Variants in TRPC5 observed in about 807,000 individuals in gnomAD.
The protein encoded by TRPC5 is short transient receptor potential channel 5.
Under a neutral mutation model 56.5 loss-of-function variants are expected in TRPC5, and 9 were observed. The ratio of observed to expected loss-of-function variants is 0.16; its 90% CI spans 0.10 to 0.28. TRPC5 has a LOEUF of 0.28. Ranked by LOEUF, TRPC5 falls within the 10% of genes least tolerant of loss-of-function variation. The pLI is 1.00. For synonymous variants in TRPC5, 282 were observed against 278.5 expected, an observed-to-expected ratio of 1.01 and a Z score of -0.13; for missense variants, 469 against 748.9, an observed-to-expected ratio of 0.63 and a Z score of 4.36.
At chrX:111,834,604 A>G (rs114442194) in intron 7 of TRPC5, among the ~76,000 whole-genome samples, 1,461 of 111,594 alleles carry the variant, frequency 0.013, 30 homozygotes, top group African/African-American at 0.046. Flanking sequence ...GAGTGAGGTG[A>G]CACGTTGTAG....
intron 1 of TRPC5, among the ~76,000 whole-genome samples, chrX:111,992,723 C>T (rs975960561): frequency 1.8e-5 from 2 of 108,906 alleles, no homozygotes; most frequent in East Asian, 2.9e-4. Context: ...CTGCCTCAGC[C>T]TCGTGAGTAG....
chrX:112,080,434 A>T (rs1428387203), intron 1 of TRPC5, among the ~76,000 whole-genome samples: 1 of 107,523 alleles, frequency 9.3e-6, no homozygotes, highest in Non-Finnish European at 1.9e-5. Flanking sequence ...ACACACACAC[A>T]CACACAGATT....
chrX:111,853,561 G>A (rs1296280253), intron 4 of TRPC5, among the ~76,000 whole-genome samples: 1 of 111,901 alleles, frequency 8.9e-6, no homozygotes, highest in Non-Finnish European at 1.9e-5. Flanking sequence ...GCAAAAGCAA[G>A]CCCTAGGTGT....
chrX:111,860,310 G>T (rs1923371789), intron 3 of TRPC5, among the ~76,000 whole-genome samples: 1 of 109,200 alleles, frequency 9.2e-6, no homozygotes, highest in African/African-American at 3.3e-5. Flanking sequence ...TGTTAAAGCT[G>T]TAGCTAGCTT....
intron 1 of TRPC5, among the ~76,000 whole-genome samples, 190 bp from the exon 2 acceptor site, chrX:111,952,631 A>T (rs1927125006): frequency 9.0e-6 from 1 of 111,253 alleles, no homozygotes; most frequent in Non-Finnish European, 1.9e-5. Flanking sequence ...ACCTGGGCTT[A>T]AATCCTGGTT....
At chrX:111,902,211 G>C in intron 3 of TRPC5, 1 of 991,042 alleles carries the variant, frequency 1.0e-6, no homozygotes, top group Non-Finnish European at 1.3e-6. Context: ...CCCGTCCCCA[G>C]GGATGTGAAA....
At position 111,922,008 on chromosome X, in the gene TRPC5, C is replaced by A. The variant is rs779812359; in HGVS notation, c.379-9196G>T. 2.7e-5 allele frequency among the ~76,000 whole-genome samples: 3 copies of A among 112,409 alleles called. No homozygotes were observed. The Admixed American group carries it at 2.8e-4, about 11-fold the overall frequency. On this transcript the variant is annotated intron_variant, in intron 2 of 10. Coordinates refer to ENST00000262839, the MANE Select transcript of TRPC5 (RefSeq NM_012471.3). ...ACAGTCAGCTTCTCTGTATTTTCAG[C>A]TAAATTCTATTGCCAGAGGACAGCC...
At chrX:111,853,670 G>T in intron 4 of TRPC5, 100 bp downstream of exon 4, 1 of 799,974 alleles carries the variant, frequency 1.3e-6, no homozygotes, top group Non-Finnish European at 1.8e-6. Flanking sequence ...GTGGGGTGGG[G>T]GTGCCCTAGT....
chrX:111,827,871 C>T (rs1036584277), intron 7 of TRPC5, among the ~76,000 whole-genome samples: 3 of 111,270 alleles, frequency 2.7e-5, no homozygotes, highest in East Asian at 2.8e-4. Flanking sequence ...ATCCTTCCAA[C>T]GGTCCATGAG....
At chrX:111,891,763 C>T (rs1603081683) in intron 3 of TRPC5, among the ~76,000 whole-genome samples, 1 of 110,927 alleles carries the variant, frequency 9.0e-6, no homozygotes, top group South Asian at 3.9e-4. Flanking sequence ...TGGCCAGGCT[C>T]GTCTTGAACT....
intron 1 of TRPC5, among the ~76,000 whole-genome samples, chrX:112,017,094 A>C (rs1475427584): frequency 9.0e-6 from 1 of 111,192 alleles, no homozygotes; most frequent in Non-Finnish European, 1.9e-5. Flanking sequence ...GCTCACTGCA[A>C]CCTCTGCCTC....
At chrX:111,809,012 C>T (rs1258170518) in intron 7 of TRPC5, among the ~76,000 whole-genome samples, 2 of 109,762 alleles carry the variant, frequency 1.8e-5, no homozygotes, top group Non-Finnish European at 3.8e-5. Flanking sequence ...TGTGGCTGAG[C>T]CGGTATCCAA....
At position 111,770,818 on chromosome X, in the gene TRPC5, A is replaced by G. The variant is rs1158856289; in HGVS notation, c.*5495T>C. On this transcript the variant is annotated 3_prime_UTR_variant, in exon 11 of 11. Transcript: ENST00000262839. Reference sequence around the variant, plus strand: ...GGGGATATATTGAACTTCTGGGAAAAGATACAAAATGGCCAATCCCAGCTT... The same window carrying G: ...GGGGATATATTGAACTTCTGGGAAAGGATACAAAATGGCCAATCCCAGCTT... 9.0e-6 allele frequency among the ~76,000 whole-genome samples: 1 copy of G among 111,701 alleles called. No homozygotes were observed. The highest frequency in any genetic ancestry group is 3.3e-5 in the African/African-American group (1 of 30,700).
intron 2 of TRPC5, among the ~76,000 whole-genome samples, chrX:111,914,544 T>C (rs1034653291): frequency 1.8e-5 from 2 of 111,772 alleles, no homozygotes; most frequent in African/African-American, 6.5e-5. Flanking sequence ...AGGAGGAGTT[T>C]GCAAGAAACC....
Position 112,082,502 on chromosome X carries a change from C to G in TRPC5, c.-645G>C, listed in dbSNP as rs1207831105. On this transcript the variant is annotated 5_prime_UTR_variant, in exon 1 of 11. Coordinates refer to ENST00000262839, the MANE Select transcript of TRPC5 (RefSeq NM_012471.3). ...GGAGCGCTGGCTACCCCTCCAAAAC[C>G]CTTTTCTACACTAGAGGTTTCTGTC... is the stretch of plus-strand genomic sequence containing the variant. 1 of 110,931 alleles carries G rather than the reference C, an allele frequency of 9.0e-6. No homozygotes were observed. The highest frequency in any genetic ancestry group is 1.9e-5 in the Non-Finnish European group (1 of 52,944). 9.1% of individuals were successfully genotyped at this position (110,931 alleles called of 1,213,427 possible). A position where few individuals can be genotyped will look rare whatever the true frequency, so the allele number is the denominator to read the frequency against.
chrX:111,943,684 T>C (rs1213069778), intron 2 of TRPC5, among the ~76,000 whole-genome samples: 1 of 112,371 alleles, frequency 8.9e-6, no homozygotes, highest in Non-Finnish European at 1.9e-5. Context: ...GTTGTTGATA[T>C]AGAGGCCAGC....
At chrX:111,959,413 T>C (rs1927316775) in intron 1 of TRPC5, among the ~76,000 whole-genome samples, 1 of 111,726 alleles carries the variant, frequency 9.0e-6, no homozygotes, top group African/African-American at 3.2e-5. Flanking sequence ...AACTAAGAAA[T>C]AGCTAGAATA....
rs1928223448 is a variant in TRPC5, at chrX:111,986,782, AT to A, written c.-21-34342del. Among the ~76,000 whole-genome samples, 3 of 111,701 alleles carry A rather than the reference AT, an allele frequency of 2.7e-5. No homozygotes were observed. The South Asian group carries it at 1.1e-3, about 43-fold the overall frequency. On this transcript the variant is annotated intron_variant, in intron 1 of 10. Coordinates refer to ENST00000262839, the MANE Select transcript of TRPC5 (RefSeq NM_012471.3). ...AATGCCTTCACTTTATCAGTAGACA[AT>A]CTACAAAGCTGGAAGTTTAACTTTC...
At chrX:111,841,568 G>A (rs1922733285) in intron 6 of TRPC5, among the ~76,000 whole-genome samples, 1 of 112,111 alleles carries the variant, frequency 8.9e-6, no homozygotes, top group Admixed American at 9.5e-5. Context: ...CCTGTTCCTA[G>A]CACGCAGTAA....
Sources: allele counts gnomAD v4.1 joint callset (sites outside exome capture counted in the v4.1 genomes callset), GRCh38; gene constraint gnomAD v4.1.1; transcripts MANE v1.5; gene names NCBI Gene and HGNC (gene_info 2026-07-23, HGNC 2026-07-21).